ABCB11: variants seen among roughly 807,000 people sequenced by gnomAD.
ABCB11 encodes bile salt export pump.
A neutral mutation model predicts 148.0 loss-of-function variants in ABCB11; 95 were observed. The observed-to-expected ratio is 0.64, with a 90% CI of 0.54 to 0.76. The LOEUF (loss-of-function observed/expected upper bound fraction) is 0.76. Ranked by LOEUF, ABCB11 falls within the 30% of genes least tolerant of loss-of-function variation. The pLI is 0.00. For synonymous variants in ABCB11, 591 were observed against 555.4 expected, an observed-to-expected ratio of 1.06 and a Z score of -0.90; for missense variants, 1,523 against 1,617.8, an observed-to-expected ratio of 0.94 and a Z score of 1.01.
At position 168,962,935 on chromosome 2, in the gene ABCB11, A is replaced by G. The variant is rs147067233; in HGVS notation, c.2178+1271T>C. Among the ~76,000 whole-genome samples the G allele has an allele frequency of 2.5e-3, 387 of 151,840 alleles. 2 individuals carry two copies. The highest frequency in any genetic ancestry group is 8.8e-3 in the African/African-American group (364 of 41,506). ...GAATTTATTTAAAGCCTGTGTTAGA[A>G]ATTGAGACCTCTGTTTATTCAGTAT... is the stretch of plus-strand genomic sequence containing the variant. On this transcript the variant is annotated intron_variant, in intron 18 of 27. Transcript: ENST00000650372.
At chr2:168,955,470 C>A (rs1026945166) in intron 19 of ABCB11, among the ~76,000 whole-genome samples, 2 of 151,540 alleles carry the variant, frequency 1.3e-5, no homozygotes, top group African/African-American at 4.8e-5. Context: ...GCGCTACACA[C>A]TTTTATCAGA....
intron 23 of ABCB11, among the ~76,000 whole-genome samples, chr2:168,933,498 C>G (rs1267786101): frequency 6.6e-6 from 1 of 152,138 alleles, no homozygotes; most frequent in Non-Finnish European, 1.5e-5. Flanking sequence ...AAGCTGCTCA[C>G]CTGCACTGTC....
At chr2:168,989,900 G>A (rs1694455647) in intron 9 of ABCB11, among the ~76,000 whole-genome samples, 1 of 151,966 alleles carries the variant, frequency 6.6e-6, no homozygotes, top group Admixed American at 6.6e-5. Flanking sequence ...TGTTAATGTG[G>A]TATATTACAT....
intron 2 of ABCB11, among the ~76,000 whole-genome samples, chr2:169,017,231 G>T (rs1483568712): frequency 1.3e-5 from 2 of 150,894 alleles, no homozygotes; most frequent in Non-Finnish European, 2.9e-5. Context: ...TTAACAATAA[G>T]ATGTTAATAA....
intron 9 of ABCB11, 118 bp downstream of exon 9, chr2:168,990,683 G>T (rs775982632): frequency 9.3e-6 from 12 of 1,286,340 alleles, no homozygotes; most frequent in Non-Finnish European, 1.3e-5. Flanking sequence ...TCTTGAACAA[G>T]TACTTCCTCT....
chr2:168,976,742 CAATTCAAATTGTA>C, intron 11 of ABCB11, 55 bp from the exon 12 acceptor site: 1 of 1,030,566 alleles, frequency 9.7e-7, no homozygotes, highest in Non-Finnish European at 1.5e-6. Context: ...ATGCACAACT[CAATTCAAATTGTA>C]AATTCAAATA....
chr2:168,957,692 C>T (rs146451523), intron 19 of ABCB11, among the ~76,000 whole-genome samples: 37 of 151,702 alleles, frequency 2.4e-4, no homozygotes, highest in Non-Finnish European at 4.6e-4. Flanking sequence ...AGAAAAATTG[C>T]CCACTTCTAA....
At chr2:168,994,589 T>G (rs551644498) in intron 7 of ABCB11, among the ~76,000 whole-genome samples, 54 of 152,238 alleles carry the variant, frequency 3.5e-4, no homozygotes, top group Non-Finnish European at 7.2e-4. Context: ...GCCTATCATA[T>G]AATAAACAAT....
In ABCB11 at chr2:168,990,924, C is replaced by G. The variant is rs897172862; in HGVS notation, c.785G>C (p.Ser262Thr). The part of the protein sequence containing the change: ...IGIGAATIGL[S>T]VSKFTDYELK... ...CTCATAGTCCGTAAACTTGGACACA[C>G]TCTAAAAATCAAAAAGAAGAAAAGA... The change falls in exon 9 of 28, where the codon AGT becomes ACT. Residue 262 changes from serine to threonine, a missense_variant and splice_region_variant. By Grantham distance (58) the Ser-to-Thr change is moderately conservative. Coordinates refer to ENST00000650372, the MANE Select transcript of ABCB11 (RefSeq NM_003742.4). The G allele has an allele frequency of 6.2e-7, 1 of 1,608,888 alleles. No homozygotes were observed. The highest frequency in any genetic ancestry group is 1.3e-5 in the African/African-American group (1 of 74,472).
intron 5 of ABCB11, among the ~76,000 whole-genome samples, chr2:168,997,429 CA>C (rs1694751533): frequency 6.6e-6 from 1 of 151,980 alleles, no homozygotes; most frequent in African/African-American, 2.4e-5. Flanking sequence ...AATACTTTGG[CA>C]TTTTTCCCAG....
At chr2:168,926,996 T>C (rs1321840490) in intron 26 of ABCB11, among the ~76,000 whole-genome samples, 160 bp downstream of exon 26, 3 of 152,216 alleles carry the variant, frequency 2.0e-5, no homozygotes, top group African/African-American at 7.2e-5. Context: ...GTGTGAAATT[T>C]TCCACCTGTG....
chr2:168,970,157 CT>C lies in ABCB11; in HGVS notation c.1696del (p.Arg566GlyfsTer2). On this transcript the variant is annotated frameshift_variant, in exon 15 of 28. Coordinates refer to ENST00000650372, the MANE Select transcript of ABCB11 (RefSeq NM_003742.4). LOFTEE classifies it high-confidence loss of function. ...GGQMSGGQKQ[R>X]VAIARALIRN... is the part of the protein sequence containing the mutation. ...GATGAGGGCTCTGGCGATAGCTACC[CT>C]TTGTTTCTGGCCACCACTCATCTGG... 1 of 1,612,846 alleles carries C rather than the reference CT, an allele frequency of 6.2e-7. No individual in the cohort carries two copies. Among genetic ancestry groups the C allele is most frequent in the Non-Finnish European group, 8.5e-7 (1 of 1,179,294 alleles).
At chr2:168,998,664 G>A (rs867316838) in intron 5 of ABCB11, among the ~76,000 whole-genome samples, 6 of 152,072 alleles carry the variant, frequency 3.9e-5, no homozygotes, top group Admixed American at 6.6e-5. Context: ...GTGATGAAGC[G>A]ACTGTCATTA....
chr2:168,925,716 T>G (rs1691279103), intron 26 of ABCB11, among the ~76,000 whole-genome samples: 1 of 152,202 alleles, frequency 6.6e-6, no homozygotes, highest in South Asian at 2.1e-4. Flanking sequence ...CCTTGCCTCC[T>G]GAGGAATGCT....
chr2:169,018,103 C>T lies in ABCB11; in HGVS notation c.23G>A (p.Arg8Gln), dbSNP rs368985605. 367 of 1,613,500 alleles carry T rather than the reference C, an allele frequency of 2.3e-4. No individual in the cohort carries two copies. Among genetic ancestry groups the T allele is most frequent in the Non-Finnish European group, 2.9e-4 (343 of 1,179,686 alleles). ...CTCCTCTCCAAATTTCTTTATACTTCGAAGAATTACTGAGTCAGACATGGT... is the reference window on the plus strand; with the variant it reads ...CTCCTCTCCAAATTTCTTTATACTTTGAAGAATTACTGAGTCAGACATGGT... Reference protein sequence around the residue: MSDSVILRSIKKFGEEND... With the variant: MSDSVILQSIKKFGEEND... The change falls in exon 2 of 28, where the codon CGA (arginine) becomes CAA (glutamine). Residue 8 changes from arginine (R) to glutamine (Q), a missense_variant. Arg to Gln is a conservative substitution (Grantham distance 43, BLOSUM62 1). Coordinates refer to ENST00000650372, the MANE Select transcript of ABCB11 (RefSeq NM_003742.4).
intron 9 of ABCB11, among the ~76,000 whole-genome samples, chr2:168,988,912 C>T (rs961812942): frequency 1.3e-5 from 2 of 151,838 alleles, no homozygotes; most frequent in Non-Finnish European, 2.9e-5. Context: ...TCTTTTTGTA[C>T]GTTTCTATTT....
At chr2:168,992,982 T>A (rs545210384) in intron 8 of ABCB11, among the ~76,000 whole-genome samples, 2 of 152,146 alleles carry the variant, frequency 1.3e-5, no homozygotes, top group South Asian at 2.1e-4. Flanking sequence ...GTGGCTGCTC[T>A]AATAATAATT....
chr2:168,995,861 A>C (rs908225878), intron 6 of ABCB11, among the ~76,000 whole-genome samples: 1 of 151,830 alleles, frequency 6.6e-6, no homozygotes, highest in Non-Finnish European at 1.5e-5. Flanking sequence ...TTCCTCCCGG[A>C]AAGACCTGCC....
rs1217638332 is a variant in ABCB11 at position 168,921,599 on chromosome 2, T to C, written c.*2023A>G. Among the ~76,000 whole-genome samples, 1 of 152,208 alleles carries C rather than the reference T, an allele frequency of 6.6e-6. No homozygotes were observed. The highest frequency in any genetic ancestry group is 1.5e-5 in the Non-Finnish European group (1 of 68,016). Reference sequence around the variant, plus strand: ...ATTTTTTGAGTGTTTTTCTAATCACTGCATTGGCTCTGTTACTTCTAATTT... The same window carrying C: ...ATTTTTTGAGTGTTTTTCTAATCACCGCATTGGCTCTGTTACTTCTAATTT... On this transcript the variant is annotated 3_prime_UTR_variant, in exon 28 of 28. Coordinates refer to ENST00000650372, the MANE Select transcript of ABCB11 (RefSeq NM_003742.4).
Sources: gnomAD v4.1 joint callset for allele counts (sites outside exome capture counted in the v4.1 genomes callset) on GRCh38, gnomAD v4.1.1 for gene constraint, MANE v1.5 for transcripts, NCBI Gene and HGNC (gene_info 2026-07-23, HGNC 2026-07-21) for gene names.